MYOM1: variants seen among roughly 807,000 people sequenced by gnomAD.
MYOM1 encodes the protein myomesin 1, also known as myomesin-1.
Under a neutral mutation model 205.3 loss-of-function variants are expected in MYOM1, and 164 were observed. That is an observed-to-expected ratio of 0.80 (90% confidence interval 0.70 to 0.91). The LOEUF (loss-of-function observed/expected upper bound fraction) is 0.91, where lower values mean the gene tolerates loss of function less well. Ranked by LOEUF, MYOM1 falls within the 40% of genes least tolerant of loss-of-function variation. The pLI is 0.00. For synonymous variants in MYOM1, 772 were observed against 789.4 expected, an observed-to-expected ratio of 0.98 and a Z score of 0.37; for missense variants, 2,011 against 2,127.3, an observed-to-expected ratio of 0.95 and a Z score of 1.08.
chr18:3,147,294 A>C (rs1043570939), intron 13 of MYOM1, among the ~76,000 whole-genome samples: 4 of 151,594 alleles, frequency 2.6e-5, no homozygotes, highest in African/African-American at 9.7e-5. Context: ...AAAGAGGAGC[A>C]AACGAATGTA....
intron 36 of MYOM1, 106 bp from the exon 37 acceptor site, chr18:3,071,995 G>T: frequency 2.1e-6 from 2 of 951,496 alleles, no homozygotes; most frequent in Non-Finnish European, 3.3e-6. Context: ...TCCTTCTCCT[G>T]ATAGTTCTTT....
In MYOM1 at chr18:3,122,115, T is replaced by C. The variant is rs146934750; in HGVS notation, c.2992-2120A>G. On this transcript the variant is annotated intron_variant, in intron 19 of 37. Coordinates refer to ENST00000356443, the MANE Select transcript of MYOM1 (RefSeq NM_003803.4). ...GCCTCAGGGACAGAGTGAGACTTTG[T>C]CTCAAAAAAAGAGAAAGAAACACAG... Among the ~76,000 whole-genome samples, 40 of 150,362 alleles carry C rather than the reference T, an allele frequency of 2.7e-4. 1 individual carries two copies. In the East Asian group the frequency reaches 7.0e-3, roughly 26 times the overall value.
At chr18:3,151,615 A>G (rs905600751) in intron 12 of MYOM1, 79 bp downstream of exon 12, 2 of 1,328,440 alleles carry the variant, frequency 1.5e-6, no homozygotes, top group African/African-American at 2.9e-5. Flanking sequence ...AGGGAGAGAA[A>G]CAACCTTGCA....
intron 31 of MYOM1, among the ~76,000 whole-genome samples, chr18:3,084,258 A>T (rs1249231065): frequency 6.6e-6 from 1 of 152,162 alleles, no homozygotes; most frequent in Non-Finnish European, 1.5e-5. Context: ...TCTTTGTCAC[A>T]ATCGCCATAT....
intron 21 of MYOM1, among the ~76,000 whole-genome samples, chr18:3,114,632 C>T (rs1367097699): frequency 1.0e-4 from 15 of 148,858 alleles, no homozygotes; most frequent in African/African-American, 3.7e-4. Flanking sequence ...GATTTGCCTG[C>T]CTTGGCCTCC....
rs745630644 is a variant in MYOM1 at position 3,129,451 on chromosome 18, C to A, written c.2575G>T (p.Gly859Trp). ...GGCGGGGAGGCTTCATGCACGCGCC[C>A]CCTGGAGGCGGTTAGTCCACCAGGC... ...DEPGGLTASRGRVHEASPPTF... is the reference protein window; with the variant it reads ...DEPGGLTASRWRVHEASPPTF... The change falls in exon 18 of 38, where the codon GGG becomes TGG. Residue 859 changes from glycine to tryptophan, a missense_variant. Physicochemically the swap from Gly to Trp is radical, Grantham distance 184. Transcript: ENST00000356443. 2 of 1,613,916 alleles carry A rather than the reference C, an allele frequency of 1.2e-6. No homozygotes were observed. The highest frequency in any genetic ancestry group is 2.2e-5 in the South Asian group (2 of 91,082).
rs1437056123 is a variant in MYOM1, at chr18:3,219,671, A to G, written c.-29+132T>C. 6.6e-6 allele frequency: 1 copy of G among 152,092 alleles called. No homozygotes were observed. The highest frequency in any genetic ancestry group is 2.4e-5 in the African/African-American group (1 of 41,386). 9.4% of individuals were successfully genotyped at this position (152,092 alleles called of 1,614,324 possible). A position where few individuals can be genotyped will look rare whatever the true frequency, so the allele number is the denominator to read the frequency against. On this transcript the variant is annotated intron_variant, in intron 1 of 37. Transcript: ENST00000356443. This position sits in a 1 kb window ranked among gnomAD's most constrained non-coding sequence, Gnocchi z 4.4. ...TCCCTCCCTGGAGCTTCACTTTCCT[A>G]TTTCTCTGTTATTCTGACATCTCTT...
intron 25 of MYOM1, among the ~76,000 whole-genome samples, chr18:3,099,705 C>G (rs1037296774): frequency 6.6e-6 from 1 of 152,168 alleles, no homozygotes; most frequent in African/African-American, 2.4e-5. Flanking sequence ...GCCCAATTTT[C>G]CAGGAGTTGA....
At position 3,100,223 on chromosome 18, in the gene MYOM1, G is replaced by A. The variant is rs769469437; in HGVS notation, c.3683-20C>T. 3 of 1,613,926 alleles carry A rather than the reference G, an allele frequency of 1.9e-6. No homozygotes were observed. The South Asian group carries it at 3.3e-5, about 18-fold the overall frequency. ...TCAATTCTGTAGGGGGAAAAAGAAGGCAGTTAAACCTTAAACTACTAAAAT... is the reference window on the plus strand; with the variant it reads ...TCAATTCTGTAGGGGGAAAAAGAAGACAGTTAAACCTTAAACTACTAAAAT... On this transcript the variant is annotated intron_variant, in intron 24 of 37. Coordinates refer to ENST00000356443, the MANE Select transcript of MYOM1 (RefSeq NM_003803.4).
At chr18:3,129,731 G>A in intron 17 of MYOM1, 1 of 479,038 alleles carries the variant, frequency 2.1e-6, no homozygotes, top group Non-Finnish European at 3.6e-6. Flanking sequence ...CCGTATTCTG[G>A]AAAAAGAAGA....
At chr18:3,085,003 G>T in intron 31 of MYOM1, 42 bp downstream of exon 31, 1 of 1,437,580 alleles carries the variant, frequency 7.0e-7, no homozygotes, top group Non-Finnish European at 9.6e-7. Context: ...TAAGCTGTAT[G>T]CAGAAACACA....
At chr18:3,117,596 T>C (rs1383130791) in intron 20 of MYOM1, among the ~76,000 whole-genome samples, 1 of 152,226 alleles carries the variant, frequency 6.6e-6, no homozygotes, top group Admixed American at 6.5e-5. Context: ...TACTAAGTGA[T>C]TGCCTGTATC....
intron 22 of MYOM1, among the ~76,000 whole-genome samples, chr18:3,108,641 C>T (rs1436981788): frequency 6.6e-6 from 1 of 151,228 alleles, no homozygotes; most frequent in East Asian, 2.0e-4. Context: ...CCTCCTGGGT[C>T]CAAGCAATTC....
intron 8 of MYOM1, 74 bp downstream of exon 8, chr18:3,173,864 C>A: frequency 7.4e-7 from 1 of 1,353,652 alleles, no homozygotes; most frequent in Non-Finnish European, 1.1e-6. Context: ...GCATTTATTT[C>A]AGCATTATGG....
intron 17 of MYOM1, 49 bp downstream of exon 17, chr18:3,131,326 C>T (rs1243584709): frequency 2.5e-6 from 4 of 1,602,294 alleles, no homozygotes; most frequent in Non-Finnish European, 3.4e-6. Context: ...TCCTTTCTAA[C>T]ATAGAAAAAT....
chr18:3,134,026 A>G (rs1315265859), intron 16 of MYOM1, among the ~76,000 whole-genome samples: 2 of 151,950 alleles, frequency 1.3e-5, no homozygotes, highest in Non-Finnish European at 2.9e-5. Context: ...TGCTGGGCTG[A>G]TTTTTGTATT....
rs144977740 is a variant in MYOM1 at position 3,075,767 on chromosome 18, A to G, written c.4649-6T>C. On this transcript the variant is annotated splice_region_variant and splice_polypyrimidine_tract_variant and intron_variant, in intron 34 of 37. Coordinates refer to ENST00000356443, the MANE Select transcript of MYOM1 (RefSeq NM_003803.4). ...AGCATAGGCCTCATCGTATGCTTTA[A>G]AAGAAAAAAGAAAAGTTAGAATTTT... is the stretch of plus-strand genomic sequence containing the variant. 94 of 1,575,234 alleles carry G rather than the reference A, an allele frequency of 6.0e-5. No individual in the cohort carries two copies. In the East Asian group the frequency reaches 2.0e-3, roughly 33 times the overall value.
chr18:3,206,843 G>A (rs943868809), intron 2 of MYOM1, among the ~76,000 whole-genome samples: 1 of 152,168 alleles, frequency 6.6e-6, no homozygotes, highest in East Asian at 1.9e-4. Context: ...TAGTTAGATC[G>A]ACATGATCCT....
intron 19 of MYOM1, among the ~76,000 whole-genome samples, chr18:3,125,877 G>A (rs753230049): frequency 2.0e-5 from 3 of 152,158 alleles, no homozygotes; most frequent in Non-Finnish European, 4.4e-5. Flanking sequence ...ACCCTTTGTG[G>A]CCATCAAGCG....
Sources: allele counts gnomAD v4.1 joint callset (sites outside exome capture counted in the v4.1 genomes callset), GRCh38; gene constraint gnomAD v4.1.1; non-coding constraint Gnocchi (gnomAD v3.1); transcripts MANE v1.5; gene names NCBI Gene and HGNC (gene_info 2026-07-23, HGNC 2026-07-21).